The following ATOSA variants were observed in gnomAD, a reference collection of about 807,000 sequenced individuals.
ATOSA encodes the protein atos homolog protein A.
At chr15:52,591,908 C>T in the ATOSA span, among the ~76,000 whole-genome samples, 1 of 152,156 alleles carries the variant, frequency 6.6e-6, no homozygotes, top group Non-Finnish European at 1.5e-5. Context: ...GCTTATGACC[C>T]ACAGATGTGA....
At chr15:52,643,881 C>T in the ATOSA span, among the ~76,000 whole-genome samples, 2 of 151,758 alleles carry the variant, frequency 1.3e-5, no homozygotes, top group African/African-American at 4.8e-5. Flanking sequence ...CCACTGCACT[C>T]CAGCCTGGGC....
the ATOSA span, among the ~76,000 whole-genome samples, chr15:52,705,159 G>C: frequency 6.6e-6 from 1 of 152,102 alleles, no homozygotes; most frequent in Non-Finnish European, 1.5e-5. Flanking sequence ...ATACACCATG[G>C]AATACTATGC....
At chr15:52,680,603 G>C in the ATOSA span, among the ~76,000 whole-genome samples, 1 of 152,092 alleles carries the variant, frequency 6.6e-6, no homozygotes, top group Non-Finnish European at 1.5e-5. Flanking sequence ...ACATTTTCTA[G>C]TGCTTAGATA....
At chr15:52,651,839 T>C in the ATOSA span, 2 of 1,533,796 alleles carry the variant, frequency 1.3e-6, no homozygotes, top group Non-Finnish European at 1.7e-6. Context: ...AGCTTAAAAA[T>C]AAAGCCGTTA....
chr15:52,654,334 T>C, the ATOSA span, among the ~76,000 whole-genome samples: 1 of 152,178 alleles, frequency 6.6e-6, no homozygotes, highest in Admixed American at 6.6e-5. Context: ...ATGCTGCTAG[T>C]TTTCCAATAA....
chr15:52,582,233 T>A, the ATOSA span: 1 of 1,603,444 alleles, frequency 6.2e-7, no homozygotes, highest in Non-Finnish European at 8.5e-7. Flanking sequence ...GCTATCAACC[T>A]CCATTGACTT....
chr15:52,629,578 C>A, the ATOSA span: 1 of 390,124 alleles, frequency 2.6e-6, no homozygotes, highest in Non-Finnish European at 5.2e-6. Flanking sequence ...CTGAGGAGGG[C>A]ACATCATGAG....
the ATOSA span, among the ~76,000 whole-genome samples, chr15:52,707,827 A>G: frequency 2.6e-5 from 4 of 152,204 alleles, no homozygotes; most frequent in Non-Finnish European, 5.9e-5. Flanking sequence ...TGATAAAGCA[A>G]AAGTTTAATA....
the ATOSA span, among the ~76,000 whole-genome samples, chr15:52,695,893 G>A: frequency 6.6e-6 from 1 of 152,152 alleles, no homozygotes; most frequent in Non-Finnish European, 1.5e-5. Context: ...AAGGCTCAAG[G>A]CAGGAGCATT....
the ATOSA span, among the ~76,000 whole-genome samples, chr15:52,603,924 A>T: frequency 6.6e-6 from 1 of 152,202 alleles, no homozygotes; most frequent in African/African-American, 2.4e-5. Context: ...TGGTAGCAAA[A>T]CAGGGTGACT....
chr15:52,676,725 C>T, the ATOSA span, among the ~76,000 whole-genome samples: 2 of 152,160 alleles, frequency 1.3e-5, no homozygotes, highest in African/African-American at 4.8e-5. Flanking sequence ...TTGTGTTTAA[C>T]ACTAGTTTTG....
chr15:52,665,262 A>G, the ATOSA span, among the ~76,000 whole-genome samples: 1 of 152,228 alleles, frequency 6.6e-6, no homozygotes, highest in Admixed American at 6.5e-5. Flanking sequence ...ATCTAAAATA[A>G]AAGTTGAAAT....
At chr15:52,582,283 C>A in the ATOSA span, 1 of 1,585,710 alleles carries the variant, frequency 6.3e-7, no homozygotes, top group South Asian at 1.2e-5. Flanking sequence ...GGAGGTAGAT[C>A]TTTCCAGATT....
the ATOSA span, among the ~76,000 whole-genome samples, chr15:52,673,598 C>T: frequency 2.0e-4 from 30 of 152,328 alleles, no homozygotes; most frequent in Admixed American, 1.3e-3. Flanking sequence ...CAAGTATTAG[C>T]TGTTGCTACT....
chr15:52,689,847 G>T, the ATOSA span, among the ~76,000 whole-genome samples: 1 of 152,176 alleles, frequency 6.6e-6, no homozygotes, highest in Non-Finnish European at 1.5e-5. Context: ...AGACACAGAA[G>T]CCTCCCTAAC....
At chr15:52,593,740 G>C in the ATOSA span, 215 of 1,522,446 alleles carry the variant, frequency 1.4e-4, no homozygotes, top group South Asian at 1.2e-3. Flanking sequence ...CAGATTCCTG[G>C]AAGACAAAAT....
At chr15:52,600,446 A>G in the ATOSA span, among the ~76,000 whole-genome samples, 123 of 152,242 alleles carry the variant, frequency 8.1e-4, no homozygotes, top group Non-Finnish European at 1.3e-3. Flanking sequence ...CCAAGGCACA[A>G]TATTATTTAC....
the ATOSA span, among the ~76,000 whole-genome samples, chr15:52,684,061 C>G: frequency 2.0e-5 from 3 of 152,032 alleles, no homozygotes; most frequent in Non-Finnish European, 4.4e-5. Context: ...TTTGTCTTTC[C>G]TTATTGAATA....
chr15:52,609,695 T>G, the ATOSA span: 15 of 1,613,780 alleles, frequency 9.3e-6, no homozygotes, highest in Non-Finnish European at 1.3e-5. Context: ...CGGAAAAGTT[T>G]TGAATGGAGT....
Sources: allele counts gnomAD v4.1 joint callset (sites outside exome capture counted in the v4.1 genomes callset), GRCh38; gene constraint gnomAD v4.1.1; transcripts MANE v1.5; gene names NCBI Gene and HGNC (gene_info 2026-07-23, HGNC 2026-07-21).